Variants in USP39 observed in about 807,000 individuals in gnomAD.
The protein encoded by USP39 is ubiquitin specific peptidase 39.
Under a neutral mutation model 66.4 loss-of-function variants are expected in USP39, and 38 were observed. The observed-to-expected ratio is 0.57, with a 90% CI of 0.44 to 0.75. The LOEUF is 0.75. Ranked by LOEUF, USP39 falls within the 30% of genes least tolerant of loss-of-function variation. The pLI is 0.00. For synonymous variants in USP39, 303 were observed against 274.6 expected, an observed-to-expected ratio of 1.10 and a Z score of -1.02; for missense variants, 608 against 714.4, an observed-to-expected ratio of 0.85 and a Z score of 1.70.
In USP39 at chr2:85,616,394, G is replaced by T; in HGVS notation, c.199G>T (p.Val67Phe). 3.7e-6 allele frequency: 6 copies of T among 1,604,208 alleles called. No homozygotes were observed. Among genetic ancestry groups the T allele is most frequent in the Non-Finnish European group, 5.1e-6 (6 of 1,175,456 alleles). The change falls in exon 1 of 13, where the codon GTC becomes TTC. Residue 67 changes from valine (V) to phenylalanine (F), a missense_variant. This residue lies in a region of USP39 where 207 missense variants were observed against 145.7 expected (regional missense o/e 1.42). Transcript: ENST00000323701. ...CGCGCGCGAGGCCCCGGCTTCTGTT[G>T]TCCCGTTTGTGCGGGTGAAGCGGGA... Reference protein sequence around the residue: ...ASAREAPASVVPFVRVKRERE... With the variant: ...ASAREAPASVFPFVRVKRERE...
chr2:85,616,028 G>A (rs373473054), upstream of USP39: 1 of 1,258,980 alleles, frequency 7.9e-7, no homozygotes, highest in Non-Finnish European at 1.0e-6. Flanking sequence ...GGGAGAGGAA[G>A]CCAGTGCAGG....
At chr2:85,643,074 TAA>T (rs556017123) in intron 10 of USP39, among the ~76,000 whole-genome samples, 8 of 133,380 alleles carry the variant, frequency 6.0e-5, no homozygotes, top group Admixed American at 1.5e-4. Flanking sequence ...TTGTCTCTAC[TAA>T]AAAAAAAAAA....
upstream of USP39, among the ~76,000 whole-genome samples, chr2:85,614,979 AGTGTGGTGTG>A (rs146502279): frequency 0.014 from 2,058 of 145,054 alleles, 17 homozygotes; most frequent in Non-Finnish European, 0.018. Flanking sequence ...AATTGCACAC[AGTGTGGTGTG>A]GTGTGGTGTG....
At chr2:85,623,254 A>G (rs536822902) in intron 3 of USP39, among the ~76,000 whole-genome samples, 1 of 151,982 alleles carries the variant, frequency 6.6e-6, no homozygotes, top group African/African-American at 2.4e-5. Context: ...GTATGTATTT[A>G]TGTTTATGTG....
At chr2:85,630,217 G>A (rs1013133998) in intron 5 of USP39, among the ~76,000 whole-genome samples, 2 of 151,714 alleles carry the variant, frequency 1.3e-5, no homozygotes, top group Non-Finnish European at 1.5e-5. Context: ...CAATTATATG[G>A]TTTTAGTATG....
At chr2:85,629,351 G>A (rs954698113) in intron 5 of USP39, among the ~76,000 whole-genome samples, 122 of 150,280 alleles carry the variant, frequency 8.1e-4, no homozygotes, top group African/African-American at 2.3e-3. Flanking sequence ...GTGAACCATC[G>A]CGCCTAGACC....
At chr2:85,644,834 G>C in intron 10 of USP39, 114 bp from the exon 11 acceptor site, 1 of 1,426,660 alleles carries the variant, frequency 7.0e-7, no homozygotes, top group South Asian at 1.4e-5. Flanking sequence ...AGCCTACCCA[G>C]AGAAAGGGTC....
chr2:85,630,980 A>G (rs1238253368), intron 6 of USP39, 34 bp downstream of exon 6: 1 of 1,591,132 alleles, frequency 6.3e-7, no homozygotes, highest in Admixed American at 1.8e-5. Context: ...CAGGACAACA[A>G]AACTAGTTTG....
rs1014681139 is a variant in USP39, at chr2:85,638,369, C to T, written c.1096-834C>T. 3.3e-5 allele frequency among the ~76,000 whole-genome samples: 5 copies of T among 151,474 alleles called. No individual in the cohort carries two copies. In the East Asian group the frequency reaches 9.7e-4, roughly 30 times the overall value. ...TTTTTTCCTTTTTGAGACAAGATCT[C>T]TGTCACTCAGGCTGAGTGTGGTGGC... is the stretch of plus-strand genomic sequence containing the variant. On this transcript the variant is annotated intron_variant, in intron 8 of 12. Coordinates refer to ENST00000323701, the MANE Select transcript of USP39 (RefSeq NM_006590.4).
upstream of USP39, chr2:85,615,993 C>T (rs1673893517): frequency 9.5e-6 from 11 of 1,157,306 alleles, no homozygotes; most frequent in East Asian, 3.5e-4. Context: ...CTGTAAACGA[C>T]AGTAGGCCCA....
chr2:85,619,395 G>C, intron 2 of USP39, 106 bp downstream of exon 2: 1 of 1,181,668 alleles, frequency 8.5e-7, no homozygotes, highest in South Asian at 1.4e-5. Flanking sequence ...TACTTTTTTT[G>C]AACCTGTCTA....
intron 6 of USP39, 127 bp from the exon 7 acceptor site, chr2:85,635,926 G>A (rs1340768671): frequency 1.6e-5 from 13 of 827,556 alleles, no homozygotes; most frequent in East Asian, 7.3e-5. Context: ...GAGGATGCAC[G>A]GCAGTTGGGA....
At chr2:85,634,300 G>A (rs1675596910) in intron 6 of USP39, among the ~76,000 whole-genome samples, 1 of 151,890 alleles carries the variant, frequency 6.6e-6, no homozygotes, top group African/African-American at 2.4e-5. Flanking sequence ...GGGGCCAGGC[G>A]CGCTGGCTCA....
chr2:85,627,166 C>T (rs757267196), intron 5 of USP39, among the ~76,000 whole-genome samples: 2 of 151,142 alleles, frequency 1.3e-5, no homozygotes, highest in Non-Finnish European at 2.9e-5. Context: ...GCATGATCTT[C>T]GTTCACTGCA....
upstream of USP39, chr2:85,612,463 C>A: frequency 2.5e-6 from 3 of 1,221,878 alleles, no homozygotes; most frequent in Non-Finnish European, 3.5e-6. Flanking sequence ...ACACCTAGAG[C>A]ACCTACCTCA....
intron 6 of USP39, among the ~76,000 whole-genome samples, 182 bp from the exon 7 acceptor site, chr2:85,635,871 A>G (rs944772069): frequency 1.3e-5 from 2 of 152,156 alleles, no homozygotes; most frequent in African/African-American, 2.4e-5. Flanking sequence ...CGGAGGAGTG[A>G]GAGCTTGACC....
At chr2:85,618,534 C>T (rs1229395125) in intron 1 of USP39, among the ~76,000 whole-genome samples, 1 of 149,898 alleles carries the variant, frequency 6.7e-6, no homozygotes, top group Non-Finnish European at 1.5e-5. Flanking sequence ...TGCACTCCAG[C>T]CTGGGGGACA....
At chr2:85,613,705 TC>T (rs35307916), upstream of USP39, among the ~76,000 whole-genome samples, 37,144 of 152,054 alleles carry the variant, frequency 0.24, 5,687 homozygotes, top group East Asian at 0.47. Context: ...GACCGAGAGA[TC>T]AGTTGATTTT....
intron 10 of USP39, among the ~76,000 whole-genome samples, chr2:85,641,725 A>T (rs747004511): frequency 3.3e-5 from 5 of 151,854 alleles, no homozygotes; most frequent in Admixed American, 6.6e-5. Context: ...AACATGGCAA[A>T]ACCCCATCTC....
Sources: allele counts gnomAD v4.1 joint callset (sites outside exome capture counted in the v4.1 genomes callset), GRCh38; gene constraint gnomAD v4.1.1; regional missense constraint gnomAD v4.1.1; transcripts MANE v1.5; gene names NCBI Gene and HGNC (gene_info 2026-07-23, HGNC 2026-07-21).